Variants in VAV1 observed in about 807,000 individuals in gnomAD.
VAV1 encodes vav guanine nucleotide exchange factor 1, also known as proto-oncogene vav.
A neutral mutation model predicts 128.1 loss-of-function variants in VAV1; 33 were observed. The observed-to-expected ratio is 0.26, with a 90% CI of 0.20 to 0.34. The LOEUF (loss-of-function observed/expected upper bound fraction) is 0.34. VAV1 is among the 10% of genes least tolerant of loss of function. VAV1 has a pLI of 1.00. For missense variants in VAV1, 715 were observed against 1,093.7 expected (o/e 0.65, Z 4.88); for synonymous variants, 394 against 409.8 (o/e 0.96, Z 0.47).
rs111433304 is a variant in VAV1, at chr19:6,788,651, G to T, written c.204+15640G>T. Among the ~76,000 whole-genome samples the T allele has an allele frequency of 4.9e-3, 749 of 152,236 alleles. 9 individuals are homozygous for T. Among genetic ancestry groups the T allele is most frequent in the African/African-American group, 0.017 (719 of 41,532 alleles). ...GCCTCCCCAAGTGCTGGGATTACAG[G>T]TGTGAGCCACTGCACCTGGCTGTTT... On this transcript the variant is annotated intron_variant, in intron 1 of 26. Transcript: ENST00000602142.
intron 1 of VAV1, among the ~76,000 whole-genome samples, chr19:6,786,619 T>C (rs691503): frequency 0.25 from 38,403 of 151,664 alleles, 5,361 homozygotes; most frequent in African/African-American, 0.37. Context: ...CCCATCTCTA[T>C]AAAAAATATA....
intron 8 of VAV1, 134 bp downstream of exon 8, chr19:6,825,540 C>T: frequency 1.4e-6 from 1 of 700,156 alleles, no homozygotes; most frequent in Non-Finnish European, 2.4e-6. Context: ...CGAGGGGCTG[C>T]CCATCTCTGG....
chr19:6,803,587 G>A (rs902487696), intron 1 of VAV1, among the ~76,000 whole-genome samples: 1 of 152,076 alleles, frequency 6.6e-6, no homozygotes, highest in Admixed American at 6.6e-5. Flanking sequence ...TATTAGAGAT[G>A]GACTTTTGCC....
chr19:6,827,982 G>A, intron 9 of VAV1, 94 bp from the exon 10 acceptor site: 7 of 1,031,064 alleles, frequency 6.8e-6, no homozygotes, highest in Non-Finnish European at 1.1e-5. Flanking sequence ...GTGGAGAGCT[G>A]CTCACGTATT....
chr19:6,828,013 C>A lies in VAV1; in HGVS notation c.928-63C>A. ...GTATTTATTCAAATCTATCTGCACC[C>A]ACCCTGCAACTGGCTGTTTCTGGGA... On this transcript the variant is annotated intron_variant, in intron 9 of 26. Transcript: ENST00000602142. The surrounding 1 kb of genome is among the most constrained non-coding windows in gnomAD (Gnocchi z 4.5). 7.1e-7 allele frequency: 1 copy of A among 1,417,304 alleles called. No homozygotes were observed. Among genetic ancestry groups the A allele is most frequent in the Non-Finnish European group, 1.0e-6 (1 of 1,001,324 alleles). 87.8% of individuals were successfully genotyped at this position (1,417,304 alleles called of 1,614,324 possible).
At chr19:6,805,710 A>T (rs1971382396) in intron 1 of VAV1, among the ~76,000 whole-genome samples, 1 of 151,954 alleles carries the variant, frequency 6.6e-6, no homozygotes. Flanking sequence ...ATTACATTGT[A>T]ATATATAATG....
At chr19:6,850,883 G>C in intron 24 of VAV1, 126 bp downstream of exon 24, 1 of 794,784 alleles carries the variant, frequency 1.3e-6, no homozygotes, top group South Asian at 1.8e-5. Context: ...TACAGTGCAA[G>C]TGACCTTAAA....
chr19:6,834,015 C>T (rs997092152), intron 19 of VAV1, 62 bp downstream of exon 19: 2 of 1,607,902 alleles, frequency 1.2e-6, no homozygotes, highest in East Asian at 2.2e-5. Flanking sequence ...TGATGTTGAC[C>T]CAGGGACAGA....
At chr19:6,849,216 C>T (rs189845553) in intron 23 of VAV1, among the ~76,000 whole-genome samples, 8 of 149,670 alleles carry the variant, frequency 5.3e-5, no homozygotes, top group African/African-American at 1.5e-4. Flanking sequence ...ATCATATACT[C>T]GGTAGTTTTT....
At chr19:6,793,699 A>G (rs182442153) in intron 1 of VAV1, among the ~76,000 whole-genome samples, 117 of 152,286 alleles carry the variant, frequency 7.7e-4, no homozygotes, top group African/African-American at 2.8e-3. Context: ...GACAGCAAAT[A>G]ATGTAGAACT....
At chr19:6,833,363 G>C (rs1315578241) in intron 16 of VAV1, 78 bp downstream of exon 16, 1 of 1,478,844 alleles carries the variant, frequency 6.8e-7, no homozygotes, top group African/African-American at 1.4e-5. Context: ...CTAGTAATTG[G>C]TTCCCTAAAT....
chr19:6,788,893 A>G (rs1970952638), intron 1 of VAV1, among the ~76,000 whole-genome samples: 1 of 152,204 alleles, frequency 6.6e-6, no homozygotes, highest in Admixed American at 6.5e-5. Context: ...CAGTGTTTAT[A>G]TGGGCAGTGA....
intron 1 of VAV1, among the ~76,000 whole-genome samples, chr19:6,806,764 G>C (rs764009709): frequency 6.6e-6 from 1 of 152,236 alleles, no homozygotes; most frequent in Non-Finnish European, 1.5e-5. Flanking sequence ...GGAACTGGGG[G>C]TGGAGCCCCT....
chr19:6,792,194 A>G (rs1393040904), intron 1 of VAV1, among the ~76,000 whole-genome samples: 4 of 152,112 alleles, frequency 2.6e-5, no homozygotes, highest in South Asian at 4.2e-4. Flanking sequence ...TCTACAAAAA[A>G]CAAAAAAAGA....
chr19:6,797,319 C>T (rs370802899), intron 1 of VAV1, among the ~76,000 whole-genome samples: 4 of 151,806 alleles, frequency 2.6e-5, no homozygotes, highest in African/African-American at 9.7e-5. Context: ...TTGCTTGGAG[C>T]CTTTTTACCC....
In VAV1 at chr19:6,854,028, A is replaced by G. The variant is rs866390655; in HGVS notation, c.2414A>G (p.Glu805Gly). ...ARDRSELSLK[E>G]GDIIKILNKK... is the part of the protein sequence containing the mutation. ...GACCGATCAGAGCTGTCGCTCAAGG[A>G]GGGTGACATCATCAAGATCCTTAAC... The change falls in exon 26 of 27, where the codon GAG (glutamate) becomes GGG (glycine). Residue 805 changes from glutamate (E) to glycine (G), a missense_variant. Physicochemically the swap from Glu to Gly is moderately conservative, Grantham distance 98. Transcript: ENST00000602142. 6.2e-7 allele frequency: 1 copy of G among 1,613,932 alleles called. No individual in the cohort carries two copies. Among genetic ancestry groups the G allele is most frequent in the African/African-American group, 1.3e-5 (1 of 75,032 alleles).
intron 26 of VAV1, among the ~76,000 whole-genome samples, chr19:6,854,581 G>A (rs1368532054): frequency 2.6e-5 from 4 of 152,078 alleles, no homozygotes; most frequent in Non-Finnish European, 4.4e-5. Context: ...AACATTAGTT[G>A]GGCGTGGTAG....
At chr19:6,832,234 C>T in intron 15 of VAV1, 34 bp downstream of exon 15, 1 of 1,600,076 alleles carries the variant, frequency 6.2e-7, no homozygotes, top group Non-Finnish European at 8.6e-7. Flanking sequence ...TTTCTGTCCA[C>T]AGAGGGGCAG....
chr19:6,795,514 C>G (rs1031240192), intron 1 of VAV1, among the ~76,000 whole-genome samples: 1 of 151,424 alleles, frequency 6.6e-6, no homozygotes, highest in Non-Finnish European at 1.5e-5. Flanking sequence ...TTATTTATAA[C>G]TCTAATGGGT....
Sources: gnomAD v4.1 joint callset for allele counts (sites outside exome capture counted in the v4.1 genomes callset) on GRCh38, gnomAD v4.1.1 for gene constraint, Gnocchi (gnomAD v3.1) non-coding constraint, MANE v1.5 for transcripts, NCBI Gene and HGNC (gene_info 2026-07-23, HGNC 2026-07-21) for gene names.